AGK: variants seen among roughly 807,000 people sequenced by gnomAD.
AGK encodes acylglycerol kinase.
A neutral mutation model predicts 66.4 loss-of-function variants in AGK; 52 were observed. The observed-to-expected ratio is 0.78, with a 90% confidence interval of 0.63 to 0.99. AGK has a LOEUF of 0.99. Among genes scored for constraint, AGK ranks in the 50% least tolerant of loss-of-function variants. The pLI is 0.00. For synonymous variants in AGK, 182 were observed against 181.1 expected, an observed-to-expected ratio of 1.00 and a Z score of -0.04; for missense variants, 451 against 506.6, an observed-to-expected ratio of 0.89 and a Z score of 1.05.
rs1797601308 is a variant in AGK at position 141,652,944 on chromosome 7, C to T, written c.*20C>T. ...CAGTGAGCAGCAGAAGACAAGCACT[C>T]TGAGACCACACTTTAGGCCACCGGT... On this transcript the variant is annotated 3_prime_UTR_variant, in exon 16 of 16. Coordinates refer to ENST00000649286, the MANE Select transcript of AGK (RefSeq NM_018238.4). 4 of 1,613,310 alleles carry T rather than the reference C, an allele frequency of 2.5e-6. No individual in the cohort carries two copies. Among genetic ancestry groups the T allele is most frequent in the Non-Finnish European group, 3.4e-6 (4 of 1,179,792 alleles).
At chr7:141,596,517 A>G in intron 3 of AGK, 45 bp from the exon 4 acceptor site, 1 of 1,542,318 alleles carries the variant, frequency 6.5e-7, no homozygotes, top group Non-Finnish European at 9.0e-7. Context: ...GACATTTACC[A>G]AATAAATGGA....
Position 141,654,468 on chromosome 7 carries a change from C to T in AGK, c.*1544C>T, listed in dbSNP as rs565578422. On this transcript the variant is annotated 3_prime_UTR_variant, in exon 16 of 16. Coordinates refer to ENST00000649286, the MANE Select transcript of AGK (RefSeq NM_018238.4). ...GACAAAGATCACAGTGCTCTATCAT[C>T]AAGAATTATTAATGATGATCTATCA... 1 of 152,204 alleles carries T rather than the reference C, an allele frequency of 6.6e-6. No homozygotes were observed. Among genetic ancestry groups the T allele is most frequent in the African/African-American group, 2.4e-5 (1 of 41,446 alleles). The allele number at this position is 152,204 out of a possible 1,614,324, so 9.4% of individuals were successfully genotyped here. A position where few individuals can be genotyped will look rare whatever the true frequency, so the allele number is the denominator to read the frequency against.
At chr7:141,621,294 G>A (rs1049546459) in intron 8 of AGK, among the ~76,000 whole-genome samples, 7 of 152,142 alleles carry the variant, frequency 4.6e-5, no homozygotes, top group African/African-American at 1.7e-4. Context: ...TCAGGTTCTG[G>A]ATTATATTTT....
At position 141,618,814 on chromosome 7, in the gene AGK, A is replaced by G. The variant is rs373238391; in HGVS notation, c.519-2918A>G. On this transcript the variant is annotated intron_variant, in intron 8 of 15. Coordinates refer to ENST00000649286, the MANE Select transcript of AGK (RefSeq NM_018238.4). ...CCCTTTTTTGAATGGAAATTAAAGT[A>G]CTTTCTAAATGACTTCTACTTGTAG... Among the ~76,000 whole-genome samples, 9 of 152,252 alleles carry G rather than the reference A, an allele frequency of 5.9e-5. No individual in the cohort carries two copies. In the East Asian group the frequency reaches 9.6e-4, roughly 16 times the overall value.
intron 2 of AGK, among the ~76,000 whole-genome samples, chr7:141,559,179 A>G (rs1191011071): frequency 6.6e-6 from 1 of 152,170 alleles, no homozygotes; most frequent in Non-Finnish European, 1.5e-5. Flanking sequence ...GTTATATTCA[A>G]GAAATCATTG....
chr7:141,557,934 C>T (rs969666136), intron 2 of AGK, among the ~76,000 whole-genome samples: 5 of 152,256 alleles, frequency 3.3e-5, no homozygotes, highest in Non-Finnish European at 7.4e-5. Flanking sequence ...CATTGTTGTT[C>T]AACAGATCTC....
At chr7:141,604,058 C>T (rs565183700) in intron 5 of AGK, among the ~76,000 whole-genome samples, 55 of 151,912 alleles carry the variant, frequency 3.6e-4, no homozygotes, top group Admixed American at 1.1e-3. Context: ...CAATTATATG[C>T]AAGTACTAAT....
At chr7:141,604,583 T>C (rs1160207522) in intron 5 of AGK, among the ~76,000 whole-genome samples, 1 of 124,734 alleles carries the variant, frequency 8.0e-6, no homozygotes, top group Non-Finnish European at 1.6e-5. Flanking sequence ...TCTTGTAGAA[T>C]TTTTTTTTTT....
intron 13 of AGK, 66 bp downstream of exon 13, chr7:141,641,974 C>G: frequency 7.8e-7 from 1 of 1,283,834 alleles, no homozygotes; most frequent in Non-Finnish European, 1.1e-6. Flanking sequence ...CTATAGTCCT[C>G]TCCCACTAAT....
intron 8 of AGK, among the ~76,000 whole-genome samples, chr7:141,619,414 G>A (rs1042389975): frequency 1.3e-5 from 2 of 151,846 alleles, no homozygotes; most frequent in Non-Finnish European, 2.9e-5. Context: ...TTTCAATAAG[G>A]GCACCAAAGC....
intron 5 of AGK, among the ~76,000 whole-genome samples, chr7:141,603,455 T>G (rs1796384577): frequency 6.6e-6 from 1 of 152,236 alleles, no homozygotes; most frequent in South Asian, 2.1e-4. Context: ...TTATACTAGC[T>G]TGCTTATTTT....
At position 141,626,350 on chromosome 7, in the gene AGK, T is replaced by A. The variant is rs545476437; in HGVS notation, c.588+4549T>A. On this transcript the variant is annotated intron_variant, in intron 9 of 15. Transcript: ENST00000649286. ...GGAATGATAGAAAATCGCCATTTTT[T>A]AAATCACCTGCGTAATAATTGATTC... 3.9e-5 allele frequency among the ~76,000 whole-genome samples: 6 copies of A among 152,228 alleles called. No individual in the cohort carries two copies. The East Asian group carries it at 7.7e-4, about 20-fold the overall frequency.
At chr7:141,634,080 T>G (rs1033267683) in intron 10 of AGK, 100 bp downstream of exon 10, 37 of 1,042,186 alleles carry the variant, frequency 3.6e-5, no homozygotes, top group Non-Finnish European at 5.4e-5. Context: ...GGGAATAAAT[T>G]TGGTGGGCCT....
At chr7:141,604,512 T>A (rs1562970636) in intron 5 of AGK, among the ~76,000 whole-genome samples, 4 of 150,806 alleles carry the variant, frequency 2.7e-5, no homozygotes, top group Non-Finnish European at 1.5e-5. Context: ...ACAAGGGCAC[T>A]CTCTTATATA....
chr7:141,620,236 ATAT>A (rs1368337113), intron 8 of AGK, among the ~76,000 whole-genome samples: 7 of 152,186 alleles, frequency 4.6e-5, no homozygotes, highest in African/African-American at 1.7e-4. Context: ...AAAATGTTAT[ATAT>A]ATTTGTCATG....
intron 9 of AGK, among the ~76,000 whole-genome samples, chr7:141,628,518 T>C (rs1040560235): frequency 1.3e-5 from 2 of 152,218 alleles, no homozygotes; most frequent in African/African-American, 4.8e-5. Flanking sequence ...TAAAGAACAA[T>C]CCAACCCTAT....
intron 11 of AGK, among the ~76,000 whole-genome samples, chr7:141,640,211 A>G (rs1418579431): frequency 1.3e-5 from 2 of 152,196 alleles, no homozygotes; most frequent in African/African-American, 4.8e-5. Flanking sequence ...CGTGGTCTCT[A>G]TCTGATCTCC....
chr7:141,576,431 A>C (rs527939723), intron 2 of AGK, among the ~76,000 whole-genome samples: 1 of 151,894 alleles, frequency 6.6e-6, no homozygotes. Flanking sequence ...GGTACCAGCC[A>C]GAGTGGCAGG....
At chr7:141,552,781 T>C (rs1795123592) in intron 1 of AGK, among the ~76,000 whole-genome samples, 1 of 152,166 alleles carries the variant, frequency 6.6e-6, no homozygotes, top group Non-Finnish European at 1.5e-5. Context: ...CCTGTAAGTA[T>C]AGGATCGAGG....
Sources: gnomAD v4.1 joint callset for allele counts (sites outside exome capture counted in the v4.1 genomes callset) on GRCh38, gnomAD v4.1.1 for gene constraint, MANE v1.5 for transcripts, NCBI Gene and HGNC (gene_info 2026-07-23, HGNC 2026-07-21) for gene names.